Variants in SLC10A7 observed in about 807,000 individuals in gnomAD.
SLC10A7 encodes the protein sodium/bile acid cotransporter 7.
In SLC10A7, 29 loss-of-function variants were observed where a neutral mutation model predicts 43.2. The observed-to-expected ratio is 0.67, with a 90% CI of 0.50 to 0.92. The LOEUF (loss-of-function observed/expected upper bound fraction) is 0.92. Among genes scored for constraint, SLC10A7 ranks in the 40% least tolerant of loss-of-function variants. SLC10A7 has a pLI of 0.00. For synonymous variants in SLC10A7, 152 were observed against 144.8 expected (o/e 1.05, Z -0.35); for missense variants, 295 against 403.2 (o/e 0.73, Z 2.30).
intron 5 of SLC10A7, among the ~76,000 whole-genome samples, chr4:146,436,794 G>A (rs1029068069): frequency 5.9e-5 from 9 of 152,074 alleles, no homozygotes; most frequent in African/African-American, 1.7e-4. Flanking sequence ...CCTTGAATAC[G>A]CAGCAGAGGT....
chr4:146,268,911 TAAAATGTAAGG>T (rs1338159257), intron 10 of SLC10A7, among the ~76,000 whole-genome samples: 3 of 152,150 alleles, frequency 2.0e-5, no homozygotes, highest in East Asian at 1.9e-4. Context: ...TAATGGATGG[TAAAATGTAAGG>T]AAAATAACCG....
At chr4:146,348,751 G>A (rs1042284008) in intron 5 of SLC10A7, among the ~76,000 whole-genome samples, 27 of 152,208 alleles carry the variant, frequency 1.8e-4, no homozygotes, top group African/African-American at 6.5e-4. Context: ...AATTTTTAAT[G>A]CCTGATTTTT....
At chr4:146,280,803 G>A (rs1412229876) in intron 10 of SLC10A7, among the ~76,000 whole-genome samples, 1 of 152,220 alleles carries the variant, frequency 6.6e-6, no homozygotes, top group East Asian at 1.9e-4. Flanking sequence ...TACTATCTAA[G>A]AGACTGTAAG....
At chr4:146,295,104 T>C (rs926002409) in intron 7 of SLC10A7, among the ~76,000 whole-genome samples, 48 of 152,300 alleles carry the variant, frequency 3.2e-4, no homozygotes, top group Middle Eastern at 3.4e-3. Flanking sequence ...CTAAAAAGGC[T>C]TAATTCGCAA....
At chr4:146,258,959 C>A in intron 10 of SLC10A7, 122 bp from the exon 11 acceptor site, 2 of 1,112,564 alleles carry the variant, frequency 1.8e-6, no homozygotes, top group Non-Finnish European at 1.2e-6. Context: ...TGTTTATTCA[C>A]AGAACTGAAA....
Position 146,255,215 on chromosome 4 carries a change from G to A in SLC10A7, c.*1276C>T, listed in dbSNP as rs1208769053. 1 of 152,604 alleles carries A rather than the reference G, an allele frequency of 6.6e-6. No individual in the cohort carries two copies. The highest frequency in any genetic ancestry group is 1.5e-5 in the Non-Finnish European group (1 of 68,028). The allele number at this position is 152,604 out of a possible 1,614,324, so 9.5% of individuals were successfully genotyped here. ...AAGTGTTCTCGTAGTTCTATACGTGGCTTCATTCTCTACTTGGGTCCAGTT... is the reference window on the plus strand; with the variant it reads ...AAGTGTTCTCGTAGTTCTATACGTGACTTCATTCTCTACTTGGGTCCAGTT... On this transcript the variant is annotated 3_prime_UTR_variant, in exon 12 of 12. Coordinates refer to ENST00000335472, the MANE Select transcript of SLC10A7 (RefSeq NM_001029998.6).
chr4:146,400,575 C>T (rs58997046), intron 5 of SLC10A7, among the ~76,000 whole-genome samples: 8,380 of 152,094 alleles, frequency 0.055, 350 homozygotes, highest in South Asian at 0.17. Context: ...AGATGTGAGG[C>T]ACTGTGGTAG....
intron 5 of SLC10A7, among the ~76,000 whole-genome samples, chr4:146,389,785 C>T (rs1163588559): frequency 6.6e-6 from 1 of 152,162 alleles, no homozygotes; most frequent in African/African-American, 2.4e-5. Context: ...TTCGGTTTGG[C>T]CTTCTGGCTA....
At position 146,432,994 on chromosome 4, in the gene SLC10A7, C is replaced by T. The variant is rs555419335; in HGVS notation, c.435+9789G>A. On this transcript the variant is annotated intron_variant, in intron 5 of 11. Transcript: ENST00000335472. ...CGGAGCTTGCAGTGAGCCGAGATCA[C>T]GCCACTGCACTCCAGCGTGGGTGAC... Among the ~76,000 whole-genome samples the T allele has an allele frequency of 2.5e-4, 37 of 150,718 alleles. No individual in the cohort carries two copies. The East Asian group carries it at 5.3e-3, about 22-fold the overall frequency.
chr4:146,275,346 A>T lies in SLC10A7; in HGVS notation c.847+7846T>A, dbSNP rs546140861. Among the ~76,000 whole-genome samples, 1,342 of 152,332 alleles carry T rather than the reference A, an allele frequency of 8.8e-3. 24 individuals carry two copies. Among genetic ancestry groups the T allele is most frequent in the African/African-American group, 0.03 (1,257 of 41,576 alleles). On this transcript the variant is annotated intron_variant, in intron 10 of 11. Coordinates refer to ENST00000335472, the MANE Select transcript of SLC10A7 (RefSeq NM_001029998.6). ...TGAATAGTAGAGCTAGAAGAGCCCCAGAGATCATCTAGTCTGAACTTTTCA... is the reference window on the plus strand; with the variant it reads ...TGAATAGTAGAGCTAGAAGAGCCCCTGAGATCATCTAGTCTGAACTTTTCA...
Position 146,330,671 on chromosome 4 carries a change from T to C in SLC10A7, c.436-4675A>G, listed in dbSNP as rs1049649533. 3.5e-4 allele frequency among the ~76,000 whole-genome samples: 54 copies of C among 152,182 alleles called. 1 individual carries two copies. The highest frequency in any genetic ancestry group is 1.2e-3 in the African/African-American group (51 of 41,450). Reference sequence around the variant, plus strand: ...TATTAAAATAATAAAAGCTAACATTTATGCAGTACTTATGCTGCATACTGT... The same window carrying C: ...TATTAAAATAATAAAAGCTAACATTCATGCAGTACTTATGCTGCATACTGT... On this transcript the variant is annotated intron_variant, in intron 5 of 11. Transcript: ENST00000335472.
intron 5 of SLC10A7, among the ~76,000 whole-genome samples, chr4:146,363,961 C>A (rs1736223935): frequency 6.6e-6 from 1 of 151,648 alleles, no homozygotes. Flanking sequence ...AGCAAGAGCA[C>A]ACCAAACACA....
At chr4:146,434,561 T>C (rs1278587468) in intron 5 of SLC10A7, among the ~76,000 whole-genome samples, 1 of 152,052 alleles carries the variant, frequency 6.6e-6, no homozygotes, top group Admixed American at 6.6e-5. Flanking sequence ...TGAAGTTGTT[T>C]TTATTTTTTG....
intron 5 of SLC10A7, among the ~76,000 whole-genome samples, chr4:146,424,242 G>C (rs1729159053): frequency 6.6e-6 from 1 of 152,098 alleles, no homozygotes; most frequent in African/African-American, 2.4e-5. Flanking sequence ...TGTAGAGACA[G>C]GGTCTTGCTG....
intron 4 of SLC10A7, among the ~76,000 whole-genome samples, chr4:146,450,737 C>T (rs1288925530): frequency 2.6e-5 from 4 of 152,122 alleles, no homozygotes; most frequent in Admixed American, 2.6e-4. Flanking sequence ...ACACTACCTA[C>T]ATGACTCATG....
intron 4 of SLC10A7, among the ~76,000 whole-genome samples, chr4:146,501,517 A>T (rs1382004890): frequency 3.9e-5 from 6 of 152,160 alleles, no homozygotes; most frequent in Non-Finnish European, 8.8e-5. Context: ...TGGTTCTCCA[A>T]TCTTTCTCTC....
Position 146,305,750 on chromosome 4 carries a change from T to C in SLC10A7, c.555+176A>G, listed in dbSNP as rs138373714. Among the ~76,000 whole-genome samples the C allele has an allele frequency of 3.9e-3, 597 of 152,164 alleles. 2 individuals are homozygous for C. Among genetic ancestry groups the C allele is most frequent in the African/African-American group, 0.013 (547 of 41,536 alleles). Reference sequence around the variant, plus strand: ...AGCTAACTGCAAAGCAGATTAGTATTAATTTAAAAAATAAAAAAGATGAGA... The same window carrying C: ...AGCTAACTGCAAAGCAGATTAGTATCAATTTAAAAAATAAAAAAGATGAGA... On this transcript the variant is annotated intron_variant, in intron 7 of 11. Coordinates refer to ENST00000335472, the MANE Select transcript of SLC10A7 (RefSeq NM_001029998.6).
intron 4 of SLC10A7, among the ~76,000 whole-genome samples, chr4:146,501,221 A>T (rs776967173): frequency 2.0e-5 from 3 of 152,180 alleles, no homozygotes; most frequent in Non-Finnish European, 2.9e-5. Flanking sequence ...CCTAATTTAT[A>T]TCTCTAGTTT....
chr4:146,510,032 C>G lies in SLC10A7; in HGVS notation c.201G>C (p.Leu67Phe). 2 of 1,608,968 alleles carry G rather than the reference C, an allele frequency of 1.2e-6. No homozygotes were observed. Among genetic ancestry groups the G allele is most frequent in the Non-Finnish European group, 1.7e-6 (2 of 1,177,686 alleles). Residue 67 changes from leucine (L) to phenylalanine (F), a missense_variant, in exon 3 of 12, where the codon TTG (leucine) becomes TTC (phenylalanine). By Grantham distance (22) the Leu-to-Phe change is conservative (BLOSUM62 0). Coordinates refer to ENST00000335472, the MANE Select transcript of SLC10A7 (RefSeq NM_001029998.6). ...SLKTEELTSA[L>F]VHLKLHLFIQ... The stretch of plus-strand genomic sequence containing the variant: ...TAAAAAGATGCAGTTTTAGATGCAC[C>G]AAAGCACTGGTCAGCTCCTGGAAAA...
Sources: allele counts gnomAD v4.1 joint callset (sites outside exome capture counted in the v4.1 genomes callset), GRCh38; gene constraint gnomAD v4.1.1; transcripts MANE v1.5; gene names NCBI Gene and HGNC (gene_info 2026-07-23, HGNC 2026-07-21).